MARCHF7: variants seen among roughly 807,000 people sequenced by gnomAD.
MARCHF7 encodes E3 ubiquitin-protein ligase MARCHF7.
A neutral mutation model predicts 76.5 loss-of-function variants in MARCHF7; 20 were observed. The observed-to-expected ratio is 0.26, with a 90% CI of 0.18 to 0.38. The LOEUF (loss-of-function observed/expected upper bound fraction) is 0.38, where lower values mean the gene tolerates loss of function less well. Ranked by LOEUF, MARCHF7 falls within the 10% of genes least tolerant of loss-of-function variation. The probability of loss-of-function intolerance (pLI) is 1.00; values close to 1 mark genes in which losing one functional copy is unlikely to be tolerated. For synonymous variants in MARCHF7, 295 were observed against 293.0 expected (o/e 1.01, Z -0.07); for missense variants, 797 against 812.9 (o/e 0.98, Z 0.24).
intron 4 of MARCHF7, chr2:159,733,874 C>T (rs1381853421): frequency 8.3e-7 from 1 of 1,199,796 alleles, no homozygotes. Flanking sequence ...GCTTAAGAAT[C>T]CAAGATTCTG....
At chr2:159,737,919 A>G (rs1287962230) in intron 4 of MARCHF7, among the ~76,000 whole-genome samples, 2 of 152,220 alleles carry the variant, frequency 1.3e-5, no homozygotes, top group African/African-American at 4.8e-5. Flanking sequence ...TCCAGCTAGA[A>G]GCCTCTGTGG....
chr2:159,745,822 A>G lies in MARCHF7; in HGVS notation c.399A>G (p.Gly133=), dbSNP rs1704800430. 2.5e-6 allele frequency: 4 copies of G among 1,612,816 alleles called. No individual in the cohort carries two copies. The highest frequency in any genetic ancestry group is 1.3e-5 in the African/African-American group (1 of 75,006). ...CTAGATCTTCATCAATGGTACTTGGATCATTTGGAACAGACTTAATGAGAG... is the reference window on the plus strand; with the variant it reads ...CTAGATCTTCATCAATGGTACTTGGGTCATTTGGAACAGACTTAATGAGAG... ...QVPRSSSMVL[G]SFGTDLMRER... is the part of the protein sequence containing the mutation. The change falls in exon 6 of 12, where the codon GGA becomes GGG. Residue 133 remains glycine (G), a synonymous_variant. Transcript: ENST00000409175.
intron 4 of MARCHF7, among the ~76,000 whole-genome samples, chr2:159,742,739 C>A (rs1313603020): frequency 1.3e-5 from 2 of 151,940 alleles, no homozygotes; most frequent in African/African-American, 4.8e-5. Context: ...GAGTTTGAGA[C>A]CAGCCTGACC....
At chr2:159,718,226 G>A (rs150565501) in intron 3 of MARCHF7, among the ~76,000 whole-genome samples, 196 of 152,228 alleles carry the variant, frequency 1.3e-3, no homozygotes, top group African/African-American at 1.9e-3. Flanking sequence ...CTCAGCTAGC[G>A]TATTTCTACA....
chr2:159,753,529 C>T (rs1329931322), intron 8 of MARCHF7, among the ~76,000 whole-genome samples: 1 of 148,900 alleles, frequency 6.7e-6, no homozygotes, highest in African/African-American at 2.5e-5. Context: ...CCAGCCTGGG[C>T]AACAGAGCGA....
intron 11 of MARCHF7, among the ~76,000 whole-genome samples, 199 bp from the exon 12 acceptor site, chr2:159,767,085 G>A (rs1282395360): frequency 6.6e-6 from 1 of 152,094 alleles, no homozygotes; most frequent in Non-Finnish European, 1.5e-5. Context: ...AACGGTGTGG[G>A]GGCGGGGAGA....
At chr2:159,712,677 G>A (rs912471569) in intron 1 of MARCHF7, 71 bp downstream of exon 1, 2 of 152,386 alleles carry the variant, frequency 1.3e-5, no homozygotes, top group Admixed American at 6.5e-5. Context: ...GAGCTGCGGA[G>A]CTAGTTCTTC....
intron 4 of MARCHF7, among the ~76,000 whole-genome samples, chr2:159,740,757 C>T (rs1176655194): frequency 1.3e-5 from 2 of 152,174 alleles, no homozygotes; most frequent in African/African-American, 2.4e-5. Flanking sequence ...AAAGGATGGG[C>T]GAATTCCTGA....
intron 8 of MARCHF7, among the ~76,000 whole-genome samples, chr2:159,755,054 TATG>T (rs1343917445): frequency 6.6e-6 from 1 of 152,088 alleles, no homozygotes; most frequent in African/African-American, 2.4e-5. Flanking sequence ...GCCAGGCAAA[TATG>T]ATGAAGGGAG....
At chr2:159,740,190 AT>A (rs2125520328) in intron 4 of MARCHF7, among the ~76,000 whole-genome samples, 1 of 152,076 alleles carries the variant, frequency 6.6e-6, no homozygotes, top group African/African-American at 2.4e-5. Flanking sequence ...CTGTTCATCT[AT>A]TTCGTCTTCC....
At chr2:159,764,263 C>CGCG (rs1553788093) in intron 10 of MARCHF7, among the ~76,000 whole-genome samples, 2 of 142,208 alleles carry the variant, frequency 1.4e-5, no homozygotes, top group African/African-American at 5.5e-5. Context: ...TGTGCGCGCG[C>CGCG]CCACTGAAAC....
chr2:159,759,411 A>G lies in MARCHF7; in HGVS notation c.1893+76A>G, dbSNP rs995819985. ...CAGCTCTTGAAGAAAAGATTAAATC[A>G]TGGTCAGAAACCTTGCATTAAAATA... is the stretch of plus-strand genomic sequence containing the variant. On this transcript the variant is annotated intron_variant, in intron 9 of 11. Coordinates refer to ENST00000409175, the MANE Select transcript of MARCHF7 (RefSeq NM_001282805.2). 1.3e-5 allele frequency: 9 copies of G among 668,296 alleles called. No individual in the cohort carries two copies. In the Admixed American group the frequency reaches 1.6e-4, roughly 12 times the overall value. 41.4% of individuals were successfully genotyped at this position (668,296 alleles called of 1,614,324 possible).
chr2:159,717,350 A>T (rs1390478251), intron 3 of MARCHF7, among the ~76,000 whole-genome samples: 2 of 152,190 alleles, frequency 1.3e-5, no homozygotes, highest in African/African-American at 4.8e-5. Flanking sequence ...CCACTATAAG[A>T]ATAGATAGCC....
At chr2:159,726,618 A>G (rs1702205086) in intron 3 of MARCHF7, among the ~76,000 whole-genome samples, 1 of 151,978 alleles carries the variant, frequency 6.6e-6, no homozygotes, top group African/African-American at 2.4e-5. Context: ...ATTACCCCCA[A>G]CCTGTTGTTA....
intron 11 of MARCHF7, among the ~76,000 whole-genome samples, chr2:159,766,870 A>G (rs1212312645): frequency 6.6e-6 from 1 of 152,144 alleles, no homozygotes; most frequent in African/African-American, 2.4e-5. Context: ...TTTCATTCTC[A>G]TCGGATGCAC....
chr2:159,737,042 C>G (rs916368388), intron 4 of MARCHF7, among the ~76,000 whole-genome samples: 1 of 152,262 alleles, frequency 6.6e-6, no homozygotes, highest in African/African-American at 2.4e-5. Context: ...AATCTGTTAC[C>G]TGTCTGGGTA....
intron 3 of MARCHF7, among the ~76,000 whole-genome samples, chr2:159,725,454 T>C (rs540109021): frequency 1.3e-4 from 20 of 152,360 alleles, no homozygotes; most frequent in African/African-American, 4.8e-4. Flanking sequence ...CATTTTTTCA[T>C]GTGTCTGTTG....
chr2:159,759,976 G>A (rs1706828685), intron 9 of MARCHF7, among the ~76,000 whole-genome samples: 1 of 152,068 alleles, frequency 6.6e-6, no homozygotes, highest in African/African-American at 2.4e-5. Context: ...GGGGTAATGG[G>A]CCTCCCCTCT....
chr2:159,719,782 A>C (rs559937522), intron 3 of MARCHF7, among the ~76,000 whole-genome samples: 9 of 152,282 alleles, frequency 5.9e-5, no homozygotes, highest in African/African-American at 2.2e-4. Flanking sequence ...GTATCATACA[A>C]GTTTTGACTA....
Sources: gnomAD v4.1 joint callset for allele counts (sites outside exome capture counted in the v4.1 genomes callset) on GRCh38, gnomAD v4.1.1 for gene constraint, MANE v1.5 for transcripts, NCBI Gene and HGNC (gene_info 2026-07-23, HGNC 2026-07-21) for gene names.